SIPA1L1: variants seen among roughly 807,000 people sequenced by gnomAD.
The protein encoded by SIPA1L1 is signal-induced proliferation-associated 1-like protein 1.
SIPA1L1 carries 26 observed loss-of-function variants against 162.7 expected under a neutral mutation model. That is an observed-to-expected ratio of 0.16 (90% CI 0.12 to 0.22). The LOEUF is 0.22. SIPA1L1 is among the 10% of genes least tolerant of loss of function. The pLI is 1.00. For missense variants in SIPA1L1, 1,874 were observed against 2,241.0 expected (o/e 0.84, Z 3.31); for synonymous variants, 829 against 837.4 (o/e 0.99, Z 0.17).
chr14:71,674,781 G>C (rs996282844), intron 12 of SIPA1L1, among the ~76,000 whole-genome samples: 1 of 151,472 alleles, frequency 6.6e-6, no homozygotes, highest in Admixed American at 6.6e-5. Context: ...AGCCGGGATG[G>C]TCTCGATCTC....
At chr14:71,488,825 A>T (rs2048991596) in intron 2 of SIPA1L1, among the ~76,000 whole-genome samples, 1 of 152,150 alleles carries the variant, frequency 6.6e-6, no homozygotes, top group South Asian at 2.1e-4. Flanking sequence ...CACGCCACTG[A>T]AAATATGCTC....
At chr14:71,397,521 G>A (rs2141461789) in intron 2 of SIPA1L1, among the ~76,000 whole-genome samples, 1 of 151,938 alleles carries the variant, frequency 6.6e-6, no homozygotes, top group East Asian at 1.9e-4. Flanking sequence ...GGGGAATAAT[G>A]TGTGTGTGTG....
intron 2 of SIPA1L1, among the ~76,000 whole-genome samples, chr14:71,375,870 G>A (rs1252276100): frequency 2.0e-5 from 3 of 152,092 alleles, no homozygotes; most frequent in East Asian, 3.9e-4. Context: ...TGTATTACAC[G>A]GATTGATTTT....
chr14:71,583,701 T>G (rs1045196634), intron 4 of SIPA1L1, among the ~76,000 whole-genome samples: 1 of 152,150 alleles, frequency 6.6e-6, no homozygotes, highest in Non-Finnish European at 1.5e-5. Context: ...AAAAAATTTT[T>G]TTCATTATTC....
At chr14:71,393,534 G>A (rs1411563960) in intron 2 of SIPA1L1, among the ~76,000 whole-genome samples, 3 of 152,140 alleles carry the variant, frequency 2.0e-5, no homozygotes, top group Non-Finnish European at 4.4e-5. Context: ...GTGGCTGGGC[G>A]TGGAGGCTCA....
At chr14:71,637,529 G>T (rs1048916945) in intron 7 of SIPA1L1, among the ~76,000 whole-genome samples, 4 of 152,026 alleles carry the variant, frequency 2.6e-5, no homozygotes, top group African/African-American at 9.7e-5. Flanking sequence ...CAGAAGGTCA[G>T]CATTAGCCTG....
chr14:71,569,212 G>A (rs2031432008), intron 4 of SIPA1L1, among the ~76,000 whole-genome samples: 1 of 152,124 alleles, frequency 6.6e-6, no homozygotes, highest in African/African-American at 2.4e-5. Flanking sequence ...CACCATTTTT[G>A]TCACCAGAGA....
chr14:71,690,873 C>T (rs1334228998), intron 13 of SIPA1L1, among the ~76,000 whole-genome samples: 1 of 152,214 alleles, frequency 6.6e-6, no homozygotes, highest in African/African-American at 2.4e-5. Context: ...ATATTCCTGA[C>T]TACCTACTGA....
chr14:71,570,234 CT>C (rs1449767002), intron 4 of SIPA1L1, among the ~76,000 whole-genome samples: 1 of 151,268 alleles, frequency 6.6e-6, no homozygotes, highest in Non-Finnish European at 1.5e-5. Flanking sequence ...TATTTTTTTT[CT>C]TTTTTCTTTT....
chr14:71,540,636 A>G (rs2054294368), intron 4 of SIPA1L1, among the ~76,000 whole-genome samples: 1 of 152,258 alleles, frequency 6.6e-6, no homozygotes, highest in African/African-American at 2.4e-5. Context: ...GAATGAGAAA[A>G]AGAATACAGT....
rs781037616 is a variant in SIPA1L1, at chr14:71,698,966, G to A, written c.3375-15G>A. The A allele has an allele frequency of 6.2e-7, 1 of 1,613,862 alleles. No homozygotes were observed. Among genetic ancestry groups the A allele is most frequent in the Admixed American group, 1.7e-5 (1 of 59,988 alleles). ...TTTGAATTGTTGACTTCATGTTTTTGTATTGCACATGCAGGCTGTCTCCTG... is the reference window on the plus strand; with the variant it reads ...TTTGAATTGTTGACTTCATGTTTTTATATTGCACATGCAGGCTGTCTCCTG... On this transcript the variant is annotated splice_polypyrimidine_tract_variant and intron_variant, in intron 13 of 23. Coordinates refer to ENST00000381232, the MANE Select transcript of SIPA1L1 (RefSeq NM_001386936.1).
chr14:71,717,689 G>C (rs568314677), intron 17 of SIPA1L1, among the ~76,000 whole-genome samples: 105 of 152,274 alleles, frequency 6.9e-4, no homozygotes, highest in Non-Finnish European at 1.1e-3. Context: ...ATCTACTTCA[G>C]AGATTCTTAG....
intron 2 of SIPA1L1, among the ~76,000 whole-genome samples, chr14:71,325,324 GTTAA>G (rs2033667538): frequency 6.6e-6 from 1 of 152,198 alleles, no homozygotes; most frequent in Admixed American, 6.5e-5. Context: ...TTATATTTAA[GTTAA>G]TTATTCTTAA....
chr14:71,375,683 T>G (rs955384309), intron 2 of SIPA1L1, among the ~76,000 whole-genome samples: 2 of 152,152 alleles, frequency 1.3e-5, no homozygotes, highest in African/African-American at 4.8e-5. Context: ...TCTTTTGCCT[T>G]TAAGTATTAT....
intron 2 of SIPA1L1, among the ~76,000 whole-genome samples, chr14:71,468,401 G>T (rs918312033): frequency 8.5e-5 from 13 of 152,264 alleles, no homozygotes; most frequent in African/African-American, 3.1e-4. Flanking sequence ...CTTCTGGGGA[G>T]GCCTCAGGAA....
chr14:71,355,040 A>G (rs1378902274), intron 2 of SIPA1L1, among the ~76,000 whole-genome samples: 1 of 152,194 alleles, frequency 6.6e-6, no homozygotes, highest in Admixed American at 6.5e-5. Context: ...ATTGAGATGC[A>G]CTGAATCATT....
At chr14:71,468,052 C>CTG (rs1349254544) in intron 2 of SIPA1L1, among the ~76,000 whole-genome samples, 5 of 130,330 alleles carry the variant, frequency 3.8e-5, no homozygotes, top group Non-Finnish European at 6.7e-5. Flanking sequence ...GTGTGTCTGT[C>CTG]TGTGTCTGTC....
intron 2 of SIPA1L1, among the ~76,000 whole-genome samples, chr14:71,328,854 C>T (rs1288575175): frequency 6.6e-6 from 1 of 152,174 alleles, no homozygotes; most frequent in Non-Finnish European, 1.5e-5. Context: ...TAAGTATATT[C>T]ACCTTGTCAT....
rs193257583 is a variant in SIPA1L1, at chr14:71,331,386, C to G, written c.-465+10205C>G. Among the ~76,000 whole-genome samples the G allele has an allele frequency of 4.7e-4, 71 of 152,272 alleles. 1 individual carries two copies. The East Asian group carries it at 8.7e-3, about 19-fold the overall frequency. ...AATAAAGAAGTGACATTAAACAATT[C>G]AAAGAATTTTTCCTGTTTTTGAAGG... On this transcript the variant is annotated intron_variant, in intron 2 of 23. Coordinates refer to ENST00000381232, the MANE Select transcript of SIPA1L1 (RefSeq NM_001386936.1).
Sources: gnomAD v4.1 joint callset for allele counts (sites outside exome capture counted in the v4.1 genomes callset) on GRCh38, gnomAD v4.1.1 for gene constraint, MANE v1.5 for transcripts, NCBI Gene and HGNC (gene_info 2026-07-23, HGNC 2026-07-21) for gene names.